Variants in LPO observed in about 807,000 individuals in gnomAD.
LPO encodes the protein lactoperoxidase, also known as salivary peroxidase.
A neutral mutation model predicts 68.4 loss-of-function variants in LPO; 70 were observed. The ratio of observed to expected loss-of-function variants is 1.02; its 90% confidence interval spans 0.84 to 1.25. LPO has a LOEUF of 1.25. LPO is among the 50% of genes most tolerant of loss of function. LPO has a pLI of 0.00. For missense variants in LPO, 873 were observed against 908.4 expected (o/e 0.96, Z 0.50); for synonymous variants, 360 against 357.6 (o/e 1.01, Z -0.08).
chr17:58,252,415 C>T lies in LPO; in HGVS notation c.1014C>T (p.Asp338=), dbSNP rs760073210. The change falls in exon 8 of 13, where the codon GAC becomes GAT. Residue 338 remains aspartate, a synonymous_variant. Transcript: ENST00000262290. ...GLMAVNQEVS[D]HGLPYLPYDS... Reference sequence around the variant, plus strand: ...TGGCTGTCAACCAGGAGGTCTCAGACCATGGACTACCCTACCTGCCCTATG... The same window carrying T: ...TGGCTGTCAACCAGGAGGTCTCAGATCATGGACTACCCTACCTGCCCTATG... 1 of 1,613,738 alleles carries T rather than the reference C, an allele frequency of 6.2e-7. No homozygotes were observed. Among genetic ancestry groups the T allele is most frequent in the Non-Finnish European group, 8.5e-7 (1 of 1,179,700 alleles).
Position 58,268,193 on chromosome 17 carries a change from T to A in LPO, c.*199T>A. ...TCCCAGCTCTTACACTCAGCTCCAG[T>A]GGCTTCTCCTTTCTGTCAAGACTTA... On this transcript the variant is annotated 3_prime_UTR_variant, in exon 13 of 13. Transcript: ENST00000262290. 1.7e-6 allele frequency: 1 copy of A among 590,050 alleles called. No individual in the cohort carries two copies. The allele number at this position is 590,050 out of a possible 1,614,324, so 36.6% of individuals were successfully genotyped here. A position where few individuals can be genotyped will look rare whatever the true frequency, so the allele number is the denominator to read the frequency against.
In LPO at chr17:58,242,553, G is replaced by A. The variant is rs147679150; in HGVS notation, c.-2-425G>A. ...GGCAGGCTCCAGCCTTGGTAACAGCGTTTCTCACACCTGTGACAAGACAGG... is the reference window on the plus strand; with the variant it reads ...GGCAGGCTCCAGCCTTGGTAACAGCATTTCTCACACCTGTGACAAGACAGG... On this transcript the variant is annotated intron_variant, in intron 1 of 12. Transcript: ENST00000262290. Among the ~76,000 whole-genome samples, 71 of 152,262 alleles carry A rather than the reference G, an allele frequency of 4.7e-4. 1 individual carries two copies. Among genetic ancestry groups the A allele is most frequent in the African/African-American group, 1.6e-3 (66 of 41,542 alleles).
At chr17:58,265,001 A>T (rs1185424067) in intron 10 of LPO, 27 bp downstream of exon 10, 1 of 1,610,682 alleles carries the variant, frequency 6.2e-7, no homozygotes, top group Admixed American at 1.7e-5. Context: ...AAGTGCTGTC[A>T]CCTGGGTCTC....
At chr17:58,250,824 C>A in intron 7 of LPO, 3 of 588,432 alleles carry the variant, frequency 5.1e-6, no homozygotes, top group South Asian at 4.0e-5. Context: ...GTGCACTAAG[C>A]GCTGAGGATT....
chr17:58,243,488 A>G (rs1258745393), intron 2 of LPO: 1 of 218,456 alleles, frequency 4.6e-6, no homozygotes, highest in Non-Finnish European at 9.1e-6. Flanking sequence ...TGGGAGGGCC[A>G]TTATTTAACC....
intron 12 of LPO, 92 bp downstream of exon 12, chr17:58,267,678 A>G (rs1970298466): frequency 1.4e-6 from 2 of 1,452,476 alleles, no homozygotes; most frequent in East Asian, 4.6e-5. Flanking sequence ...TCCGGATCTC[A>G]GTGTGAGTAG....
rs1345175852 is a variant in LPO at position 58,267,859 on chromosome 17, C to T, written c.2004C>T (p.Arg668=). ...CTCTACAGAAAATGTCCTTCTCACG[C>T]CTTGTCTGTGACAACACCCGCATCA... The part of the protein sequence containing the change: ...KDSLQKMSFS[R]LVCDNTRITK... Residue 668 remains arginine, a synonymous_variant, in exon 13 of 13, where the codon CGC becomes CGT. Transcript: ENST00000262290. 6 of 1,614,052 alleles carry T rather than the reference C, an allele frequency of 3.7e-6. No homozygotes were observed. Among genetic ancestry groups the T allele is most frequent in the Non-Finnish European group, 5.1e-6 (6 of 1,180,036 alleles).
At chr17:58,243,756 A>G in intron 2 of LPO, 2 of 564,666 alleles carry the variant, frequency 3.5e-6, no homozygotes, top group Non-Finnish European at 6.4e-6. Flanking sequence ...ATCTCTGGGC[A>G]TTCTAGTGAG....
intron 8 of LPO, among the ~76,000 whole-genome samples, chr17:58,252,794 C>G (rs1362975764): frequency 6.6e-6 from 1 of 151,930 alleles, no homozygotes; most frequent in East Asian, 1.9e-4. Flanking sequence ...GAGGCCGAGG[C>G]AGGCAGATCA....
At position 58,252,291 on chromosome 17, in the gene LPO, T is replaced by A. The variant is rs139781655; in HGVS notation, c.890T>A (p.Ile297Asn). 1,290 of 1,614,176 alleles carry A rather than the reference T, an allele frequency of 8.0e-4. 1 individual carries two copies. Among genetic ancestry groups the A allele is most frequent in the Non-Finnish European group, 9.9e-4 (1,165 of 1,180,032 alleles). The change falls in exon 8 of 13, where the codon ATC (isoleucine) becomes AAC (asparagine). Residue 297 changes from isoleucine (I) to asparagine (N), a missense_variant. Ile to Asn is a moderately radical substitution (Grantham distance 149). Transcript: ENST00000262290. The part of the protein sequence containing the change: ...PPYKSLAREQ[I>N]NALTSFLDAS... ...TACAAGTCCCTGGCCCGAGAGCAGA[T>A]CAACGCTCTGACCTCCTTCCTGGAT...
rs186068938 is a variant in LPO at position 58,260,129 on chromosome 17, T to C, written c.1267-4593T>C. 1.1e-4 allele frequency among the ~76,000 whole-genome samples: 16 copies of C among 152,366 alleles called. No individual in the cohort carries two copies. The East Asian group carries it at 3.1e-3, about 29-fold the overall frequency. On this transcript the variant is annotated intron_variant, in intron 9 of 12. Transcript: ENST00000262290. ...TGCCCAGCCCAGTATTTCATTTTCT[T>C]TGGAGGAATTATAAATGGTATTACA...
At position 58,250,432 on chromosome 17, in the gene LPO, C is replaced by A; in HGVS notation, c.591C>A (p.Asn197Lys). The A allele has an allele frequency of 6.2e-7, 1 of 1,614,140 alleles. No individual in the cohort carries two copies. Among genetic ancestry groups the A allele is most frequent in the Non-Finnish European group, 8.5e-7 (1 of 1,180,012 alleles). Residue 197 changes from asparagine (N) to lysine (K), a missense_variant, in exon 7 of 13, where the codon AAC (asparagine) becomes AAA (lysine). By Grantham distance (94) the Asn-to-Lys change is moderately conservative. Transcript: ENST00000262290. ...FPLPLAREVS[N>K]KIVGYLNEEG... ...ATCTGTAGGCCCGGGAGGTATCTAA[C>A]AAGATTGTTGGCTATCTGAATGAGG...
Position 58,264,954 on chromosome 17 carries a change from C to T in LPO, c.1499C>T (p.Thr500Ile). ...ELPLHTLFFN[T>I]WRMVKDGGID... ...CCCCTCCACACCCTCTTCTTCAACA[C>T]TTGGAGGATGGTCAAAGATGGTATG... Residue 500 changes from threonine (T) to isoleucine (I), a missense_variant, in exon 10 of 13, where the codon ACT becomes ATT. Thr to Ile is a moderately conservative substitution (Grantham distance 89). Coordinates refer to ENST00000262290, the MANE Select transcript of LPO (RefSeq NM_006151.3). 1.2e-6 allele frequency: 2 copies of T among 1,614,234 alleles called. No individual in the cohort carries two copies. The highest frequency in any genetic ancestry group is 2.2e-5 in the South Asian group (2 of 91,088).
At chr17:58,256,990 CTT>C (rs1040765289) in intron 9 of LPO, among the ~76,000 whole-genome samples, 8 of 75,058 alleles carry the variant, frequency 1.1e-4, no homozygotes, top group Admixed American at 1.6e-4. Flanking sequence ...AGGTCTTACT[CTT>C]TTTTTTTTTT....
In LPO at chr17:58,249,102, G is replaced by A. The variant is rs1969906065; in HGVS notation, c.368G>A (p.Cys123Tyr). The A allele has an allele frequency of 1.2e-6, 2 of 1,614,214 alleles. No individual in the cohort carries two copies. Among genetic ancestry groups the A allele is most frequent in the South Asian group, 2.2e-5 (2 of 91,082 alleles). ...ACTTCACTGTCTCTGGAGGTGGGCT[G>A]TGGTGCTCCTGCTCCCGTGGTGAGA... ...DLTSLSLEVG[C>Y]GAPAPVVRCD... The change falls in exon 5 of 13, where the codon TGT becomes TAT. Residue 123 changes from cysteine (C) to tyrosine (Y), a missense_variant. By Grantham distance (194) the Cys-to-Tyr change is radical. Coordinates refer to ENST00000262290, the MANE Select transcript of LPO (RefSeq NM_006151.3).
At chr17:58,260,349 A>G (rs1231379351) in intron 9 of LPO, among the ~76,000 whole-genome samples, 1 of 152,114 alleles carries the variant, frequency 6.6e-6, no homozygotes, top group Non-Finnish European at 1.5e-5. Context: ...TTTCTAATCC[A>G]TATGATTTTT....
Position 58,268,224 on chromosome 17 carries a change from G to T in LPO, c.*230G>T, listed in dbSNP as rs532535626. The T allele has an allele frequency of 1.8e-6, 1 of 548,872 alleles. No individual in the cohort carries two copies. The highest frequency in any genetic ancestry group is 3.3e-6 in the Non-Finnish European group (1 of 305,740). The allele number at this position is 548,872 out of a possible 1,614,324, so 34.0% of individuals were successfully genotyped here. A position where few individuals can be genotyped will look rare whatever the true frequency, so the allele number is the denominator to read the frequency against. ...CTCCTTTCTGTCAAGACTTAGCCCCGCTGAGATGCCCTTCTGCTCCAGCTT... is the reference window on the plus strand; with the variant it reads ...CTCCTTTCTGTCAAGACTTAGCCCCTCTGAGATGCCCTTCTGCTCCAGCTT... On this transcript the variant is annotated 3_prime_UTR_variant, in exon 13 of 13. Transcript: ENST00000262290.
Position 58,266,226 on chromosome 17 carries a change from T to C in LPO, c.1593T>C (p.Thr531=), listed in dbSNP as rs775847307. Residue 531 remains threonine (T), a synonymous_variant, in exon 11 of 13, where the codon ACT becomes ACC. Coordinates refer to ENST00000262290, the MANE Select transcript of LPO (RefSeq NM_006151.3). ...SKLMKQNKMM[T]GELRNKLFQP... is the part of the protein sequence containing the mutation. Reference sequence around the variant, plus strand: ...TGATGAAACAGAATAAAATGATGACTGGAGAGCTGCGCAACAAGCTTTTCC... The same window carrying C: ...TGATGAAACAGAATAAAATGATGACCGGAGAGCTGCGCAACAAGCTTTTCC... The C allele has an allele frequency of 1.2e-6, 2 of 1,613,988 alleles. No individual in the cohort carries two copies. The highest frequency in any genetic ancestry group is 4.5e-5 in the East Asian group (2 of 44,874).
intron 7 of LPO, 101 bp from the exon 8 acceptor site, chr17:58,252,081 G>A (rs1366569202): frequency 7.7e-6 from 8 of 1,038,816 alleles, no homozygotes; most frequent in Non-Finnish European, 1.2e-5. Flanking sequence ...TCCTAGGAGG[G>A]TGCCATCAGC....
Sources: gnomAD v4.1 joint callset for allele counts (sites outside exome capture counted in the v4.1 genomes callset) on GRCh38, gnomAD v4.1.1 for gene constraint, MANE v1.5 for transcripts, NCBI Gene and HGNC (gene_info 2026-07-23, HGNC 2026-07-21) for gene names.